The following NUP98 variants were observed in gnomAD, a reference collection of about 807,000 sequenced individuals.
NUP98 encodes the protein nucleoporin 98 and 96 precursor, also known as nuclear pore complex protein Nup98-Nup96.
In NUP98, 26 loss-of-function variants were observed where a neutral mutation model predicts 191.9. That is an observed-to-expected ratio of 0.14 (90% confidence interval 0.10 to 0.19). The LOEUF is 0.19. NUP98 is among the 10% of genes least tolerant of loss of function. The pLI is 1.00. For synonymous variants in NUP98, 808 were observed against 778.4 expected, an observed-to-expected ratio of 1.04 and a Z score of -0.63; for missense variants, 1,941 against 2,178.8, an observed-to-expected ratio of 0.89 and a Z score of 2.17.
At chr11:3,748,738 T>C (rs1320425976) in intron 11 of NUP98, among the ~76,000 whole-genome samples, 1 of 152,162 alleles carries the variant, frequency 6.6e-6, no homozygotes, top group African/African-American at 2.4e-5. Context: ...CTTCCTTAAT[T>C]TGCCCGTACC....
rs1476578380 is a variant in NUP98, at chr11:3,744,561, T to C, written c.1356A>G (p.Gly452=). The C allele has an allele frequency of 1.2e-6, 2 of 1,613,748 alleles. No homozygotes were observed. The highest frequency in any genetic ancestry group is 2.2e-5 in the East Asian group (1 of 44,882). Residue 452 remains glycine, a synonymous_variant, in exon 12 of 33, where the codon GGA becomes GGG. Transcript: ENST00000324932. ...CCAAAGTGGCTGTCGTAGTATTAAA[T>C]CCAGGGGCCCCAAAGGCTCCTGTAC... ...PLGTGAFGAP[G]FNTTTATLGF... is the part of the protein sequence containing the mutation.
At chr11:3,734,902 T>C (rs2079985905) in intron 13 of NUP98, among the ~76,000 whole-genome samples, 1 of 152,054 alleles carries the variant, frequency 6.6e-6, no homozygotes, top group African/African-American at 2.4e-5. Context: ...AGAAAAAAAC[T>C]TAAAAAAAGT....
chr11:3,681,715 G>C (rs1051705763), intron 30 of NUP98, among the ~76,000 whole-genome samples: 4 of 151,950 alleles, frequency 2.6e-5, no homozygotes, highest in Non-Finnish European at 5.9e-5. Context: ...TCCGTTTACA[G>C]AGCACAGGCA....
intron 20 of NUP98, 108 bp downstream of exon 20, chr11:3,712,456 C>T (rs549795024): frequency 2.0e-6 from 3 of 1,528,312 alleles, no homozygotes; most frequent in South Asian, 2.6e-5. Flanking sequence ...AATGTTTGTA[C>T]TCTTCAAAGT....
intron 25 of NUP98, among the ~76,000 whole-genome samples, chr11:3,697,551 T>C (rs2078546716): frequency 6.6e-6 from 1 of 152,146 alleles, no homozygotes; most frequent in African/African-American, 2.4e-5. Flanking sequence ...GGCTCATGCC[T>C]GTAATCCCAG....
chr11:3,698,939 G>T (rs2078595730), intron 25 of NUP98, 143 bp downstream of exon 25: 2 of 877,250 alleles, frequency 2.3e-6, no homozygotes, highest in African/African-American at 1.7e-5. Context: ...TATTCCACGG[G>T]AACCAGCAAT....
intron 6 of NUP98, among the ~76,000 whole-genome samples, chr11:3,773,298 G>A (rs550125362): frequency 3.9e-5 from 6 of 151,998 alleles, no homozygotes; most frequent in South Asian, 2.1e-4. Context: ...CACCTACTTC[G>A]GAGGCTAAGG....
chr11:3,701,437 A>G (rs1589985726), intron 23 of NUP98, among the ~76,000 whole-genome samples: 1 of 151,376 alleles, frequency 6.6e-6, no homozygotes, highest in Non-Finnish European at 1.5e-5. Flanking sequence ...AATTTTTGTA[A>G]TTTTAGTAGA....
At chr11:3,710,039 C>T (rs184069173) in intron 20 of NUP98, among the ~76,000 whole-genome samples, 32 of 148,686 alleles carry the variant, frequency 2.2e-4, no homozygotes, top group African/African-American at 7.1e-4. Flanking sequence ...CTACACGTAT[C>T]TCTACCTGAG....
intron 1 of NUP98, among the ~76,000 whole-genome samples, chr11:3,794,578 C>T (rs900864206): frequency 1.3e-5 from 2 of 151,564 alleles, no homozygotes; most frequent in East Asian, 1.9e-4. Flanking sequence ...CCACCCGCCT[C>T]GGCCTCCCAA....
chr11:3,782,168 A>T (rs752943182), intron 1 of NUP98, 23 bp from the exon 2 acceptor site: 1 of 1,313,772 alleles, frequency 7.6e-7, no homozygotes, highest in South Asian at 1.2e-5. Flanking sequence ...AAACATTATC[A>T]CTCTCTTAAA....
At chr11:3,680,122 G>C (rs184749688) in intron 30 of NUP98, among the ~76,000 whole-genome samples, 1 of 152,324 alleles carries the variant, frequency 6.6e-6, no homozygotes, top group African/African-American at 2.4e-5. Flanking sequence ...GCTGCTGACT[G>C]ATCAGGGTGT....
intron 8 of NUP98, among the ~76,000 whole-genome samples, chr11:3,766,710 A>AT (rs2081352672): frequency 6.6e-6 from 1 of 150,794 alleles, no homozygotes; most frequent in South Asian, 2.1e-4. Context: ...AAAAAAAAAA[A>AT]GAGAGAAGCC....
chr11:3,682,317 C>G (rs73426366), intron 30 of NUP98, among the ~76,000 whole-genome samples: 2,621 of 152,314 alleles, frequency 0.017, 85 homozygotes, highest in African/African-American at 0.06. Flanking sequence ...CACAACTTGG[C>G]TGTTTGGCAA....
At chr11:3,797,377 T>G in intron 1 of NUP98, 23 bp downstream of exon 1, 3 of 402,200 alleles carry the variant, frequency 7.5e-6, no homozygotes, top group Middle Eastern at 6.2e-4. Context: ...TCTCGGCCGC[T>G]GCAGCTCGGG....
intron 12 of NUP98, among the ~76,000 whole-genome samples, chr11:3,735,748 AGT>A (rs71041385): frequency 0.12 from 16,230 of 140,530 alleles, 936 homozygotes; most frequent in East Asian, 0.23. Context: ...CAGGGCAAGT[AGT>A]GTGTGTGTGT....
intron 14 of NUP98, 80 bp downstream of exon 14, chr11:3,731,311 T>A: frequency 1.1e-6 from 1 of 938,318 alleles, no homozygotes; most frequent in Non-Finnish European, 1.5e-6. Context: ...CTATAATATA[T>A]TTAAATAATT....
Position 3,695,494 on chromosome 11 carries a change from G to A in NUP98, c.4122C>T (p.Ile1374=). ...DWHQLQADSF[I]QDERLRIFAL... ...CAAAGATGCGCAGTCTCTCATCCTG[G>A]ATGAAGGAGTCTGCTTGGAGCTGAT... Residue 1374 remains isoleucine, a synonymous_variant, in exon 26 of 33, where the codon ATC becomes ATT. Coordinates refer to ENST00000324932, the MANE Select transcript of NUP98 (RefSeq NM_016320.5). The A allele has an allele frequency of 6.2e-7, 1 of 1,607,944 alleles. No individual in the cohort carries two copies. Among genetic ancestry groups the A allele is most frequent in the Non-Finnish European group, 8.5e-7 (1 of 1,176,916 alleles).
At chr11:3,710,100 T>C (rs921510423) in intron 20 of NUP98, among the ~76,000 whole-genome samples, 1 of 151,794 alleles carries the variant, frequency 6.6e-6, no homozygotes, top group African/African-American at 2.4e-5. Context: ...GATTGCACAT[T>C]TCAACCACCT....
Sources: allele counts gnomAD v4.1 joint callset (sites outside exome capture counted in the v4.1 genomes callset), GRCh38; gene constraint gnomAD v4.1.1; transcripts MANE v1.5; gene names NCBI Gene and HGNC (gene_info 2026-07-23, HGNC 2026-07-21).